The following VWA3B variants were observed in gnomAD, a reference collection of about 807,000 sequenced individuals.
VWA3B encodes von Willebrand factor A domain containing 3B.
Under a neutral mutation model 158.3 loss-of-function variants are expected in VWA3B, and 138 were observed. That is an observed-to-expected ratio of 0.87 (90% CI 0.76 to 1.00). The LOEUF (loss-of-function observed/expected upper bound fraction) is 1.00, where lower values mean the gene tolerates loss of function less well. Ranked by LOEUF, VWA3B falls within the 50% of genes least tolerant of loss-of-function variation. The probability of loss-of-function intolerance (pLI) is 0.00; values close to 1 mark genes in which losing one functional copy is unlikely to be tolerated. For synonymous variants in VWA3B, 596 were observed against 587.3 expected, an observed-to-expected ratio of 1.01 and a Z score of -0.21; for missense variants, 1,555 against 1,565.1, an observed-to-expected ratio of 0.99 and a Z score of 0.11.
intron 2 of VWA3B, among the ~76,000 whole-genome samples, chr2:98,102,787 C>T (rs1276070652): frequency 2.0e-5 from 3 of 152,170 alleles, no homozygotes; most frequent in South Asian, 2.1e-4. Context: ...GGCATTTGTA[C>T]ACGATTGGTA....
chr2:98,311,690 A>T (rs1690904021), intron 26 of VWA3B, 129 bp from the exon 27 acceptor site: 1 of 1,124,652 alleles, frequency 8.9e-7, no homozygotes, highest in Admixed American at 2.9e-5. Context: ...ACAGCGCTCC[A>T]GAGACTCCTT....
intron 7 of VWA3B, among the ~76,000 whole-genome samples, chr2:98,151,359 C>A (rs912277767): frequency 6.6e-6 from 1 of 152,210 alleles, no homozygotes; most frequent in Non-Finnish European, 1.5e-5. Context: ...CCTGCCTCGG[C>A]CTCCCAAAGT....
intron 14 of VWA3B, 74 bp downstream of exon 14, chr2:98,218,102 C>A (rs1684187575): frequency 2.1e-6 from 3 of 1,455,942 alleles, no homozygotes; most frequent in South Asian, 1.4e-5. Context: ...CTGGGTAATA[C>A]CTTCGTTGGG....
intron 22 of VWA3B, among the ~76,000 whole-genome samples, chr2:98,284,395 A>G (rs570701649): frequency 6.6e-6 from 1 of 152,354 alleles, no homozygotes; most frequent in Admixed American, 6.5e-5. Flanking sequence ...TCAGGGCACC[A>G]TGGAAATGAG....
rs546679422 is a variant in VWA3B at position 98,312,649 on chromosome 2, G to C, written c.*300G>C. On this transcript the variant is annotated 3_prime_UTR_variant, in exon 28 of 28. Coordinates refer to ENST00000477737, the MANE Select transcript of VWA3B (RefSeq NM_144992.5). The stretch of plus-strand genomic sequence containing the variant: ...CCCCAGAAGTTTTAACCTGAAGGAT[G>C]ACTGTCACAGGACTTTCAAATTGTT... The C allele has an allele frequency of 1.5e-5, 5 of 322,944 alleles. No homozygotes were observed. The East Asian group carries it at 2.1e-4, about 14-fold the overall frequency. The allele number at this position is 322,944 out of a possible 1,614,324, so 20.0% of individuals were successfully genotyped here.
chr2:98,226,904 TAA>T (rs988612689), intron 14 of VWA3B, among the ~76,000 whole-genome samples: 1 of 152,158 alleles, frequency 6.6e-6, no homozygotes, highest in African/African-American at 2.4e-5. Context: ...CTTAAAATAA[TAA>T]GAGCCATTTA....
At chr2:98,230,597 C>A (rs1685273211) in intron 16 of VWA3B, among the ~76,000 whole-genome samples, 1 of 152,074 alleles carries the variant, frequency 6.6e-6, no homozygotes, top group African/African-American at 2.4e-5. Flanking sequence ...TCCACCACTA[C>A]AGTCAAGATA....
intron 8 of VWA3B, among the ~76,000 whole-genome samples, chr2:98,170,893 C>A (rs1400861740): frequency 6.6e-6 from 1 of 152,208 alleles, no homozygotes; most frequent in Admixed American, 6.5e-5. Flanking sequence ...GCGTGAGCCA[C>A]CGTGCCCGAC....
At chr2:98,307,700 T>C (rs546784610) in intron 26 of VWA3B, among the ~76,000 whole-genome samples, 2 of 152,228 alleles carry the variant, frequency 1.3e-5, no homozygotes, top group African/African-American at 4.8e-5. Context: ...AAGAGGAACC[T>C]CTACTTTACT....
At chr2:98,242,409 C>T (rs1686132448) in intron 19 of VWA3B, 1 of 418,174 alleles carries the variant, frequency 2.4e-6, no homozygotes, top group Non-Finnish European at 4.8e-6. Context: ...AAGTCATATA[C>T]ACAATAAAAC....
chr2:98,205,369 T>C (rs1682933048), intron 12 of VWA3B, among the ~76,000 whole-genome samples: 1 of 152,232 alleles, frequency 6.6e-6, no homozygotes, highest in South Asian at 2.1e-4. Flanking sequence ...CAAGAGATGT[T>C]GTAATAGGCC....
At chr2:98,129,222 A>AGTGTGT (rs1447456836) in intron 6 of VWA3B, among the ~76,000 whole-genome samples, 13 of 110,322 alleles carry the variant, frequency 1.2e-4, no homozygotes, top group African/African-American at 3.5e-4. Context: ...AGAGAGAGAG[A>AGTGTGT]GAGTGTGTGT....
At chr2:98,240,777 GATGT>G in intron 19 of VWA3B, among the ~76,000 whole-genome samples, 1 of 152,196 alleles carries the variant, frequency 6.6e-6, no homozygotes. Context: ...TTTTCTCTGA[GATGT>G]ATGTGATATA....
intron 22 of VWA3B, among the ~76,000 whole-genome samples, chr2:98,274,731 T>C (rs904458714): frequency 6.6e-6 from 1 of 152,204 alleles, no homozygotes; most frequent in Non-Finnish European, 1.5e-5. Context: ...ATGTGTGTTT[T>C]AGAAAGATTA....
At chr2:98,206,191 A>C (rs1355939541) in intron 12 of VWA3B, 4 of 153,302 alleles carry the variant, frequency 2.6e-5, no homozygotes, top group African/African-American at 9.6e-5. Flanking sequence ...CTCAGCCTCC[A>C]GGGCCTTGCA....
At chr2:98,270,650 T>C in intron 21 of VWA3B, 32 bp from the exon 22 acceptor site, 1 of 1,588,664 alleles carries the variant, frequency 6.3e-7, no homozygotes, top group Non-Finnish European at 8.6e-7. Context: ...TGTTTCTTCC[T>C]CTGTTTGTTT....
At chr2:98,175,405 A>G (rs1679928895) in intron 8 of VWA3B, among the ~76,000 whole-genome samples, 1 of 152,254 alleles carries the variant, frequency 6.6e-6, no homozygotes, top group African/African-American at 2.4e-5. Flanking sequence ...GTAGTTGAAA[A>G]AAGTTCTGGA....
At chr2:98,212,549 G>A (rs1220715465) in intron 13 of VWA3B, among the ~76,000 whole-genome samples, 1 of 152,170 alleles carries the variant, frequency 6.6e-6, no homozygotes, top group African/African-American at 2.4e-5. Context: ...TTTGAGCTTT[G>A]TGAATGAAAG....
At chr2:98,094,050 C>T (rs1249490624) in intron 2 of VWA3B, among the ~76,000 whole-genome samples, 7 of 152,234 alleles carry the variant, frequency 4.6e-5, no homozygotes, top group Non-Finnish European at 1.0e-4. Context: ...TTGATGGACA[C>T]TTAAGTTGAT....
Sources: gnomAD v4.1 joint callset for allele counts (sites outside exome capture counted in the v4.1 genomes callset) on GRCh38, gnomAD v4.1.1 for gene constraint, MANE v1.5 for transcripts, NCBI Gene and HGNC (gene_info 2026-07-23, HGNC 2026-07-21) for gene names.